Variants in ZFP42 observed in about 807,000 individuals in gnomAD.
ZFP42 encodes the protein ZFP42 zinc finger protein, also known as zinc finger protein 42 homolog.
For synonymous variants in ZFP42, 175 were observed against 144.6 expected (o/e 1.21, Z -1.51); for missense variants, 438 against 377.1 (o/e 1.16, Z -1.34).
At chr4:187,996,122 T>C (rs1733551426) in intron 1 of ZFP42, among the ~76,000 whole-genome samples, 1 of 152,070 alleles carries the variant, frequency 6.6e-6, no homozygotes, top group African/African-American at 2.4e-5. Flanking sequence ...TTGCATTTTT[T>C]ATTTTATTTC....
At chr4:187,996,720 T>A (rs1443244084) in intron 1 of ZFP42, among the ~76,000 whole-genome samples, 1 of 152,098 alleles carries the variant, frequency 6.6e-6, no homozygotes, top group Non-Finnish European at 1.5e-5. Context: ...CTGCATTTCA[T>A]CTCCTCTGCC....
Position 188,002,807 on chromosome 4 carries a change from C to A in ZFP42, c.-1C>A. On this transcript the variant is annotated 5_prime_UTR_variant, in exon 4 of 4. Coordinates refer to ENST00000326866, the MANE Select transcript of ZFP42 (RefSeq NM_174900.5). ...TTCAAGAAGGGCACAGGCAGGAAAACATGAGCCAGCAACTGAAGAAACGGG... is the reference window on the plus strand; with the variant it reads ...TTCAAGAAGGGCACAGGCAGGAAAAAATGAGCCAGCAACTGAAGAAACGGG... 6.2e-7 allele frequency: 1 copy of A among 1,613,312 alleles called. No individual in the cohort carries two copies. The highest frequency in any genetic ancestry group is 8.5e-7 in the Non-Finnish European group (1 of 1,179,632).
At chr4:187,998,637 A>T (rs1363154240) in intron 1 of ZFP42, among the ~76,000 whole-genome samples, 2 of 152,230 alleles carry the variant, frequency 1.3e-5, no homozygotes, top group African/African-American at 2.4e-5. Context: ...TTATATGCAA[A>T]TACTTACTGT....
Position 188,003,073 on chromosome 4 carries a change from A to G in ZFP42, c.266A>G (p.Asp89Gly), listed in dbSNP as rs372693633. The change falls in exon 4 of 4, where the codon GAC (aspartate) becomes GGC (glycine). Residue 89 changes from aspartate (D) to glycine (G), a missense_variant. By Grantham distance (94) the Asp-to-Gly change is moderately conservative. Coordinates refer to ENST00000326866, the MANE Select transcript of ZFP42 (RefSeq NM_174900.5). ...GEFSQPILEE[D>G]SLFESLEYLK... ...TTTTCTCAACCCATCCTGGAAGAGGACTCACTTTTTGAGTCCTTGGAATAC... is the reference window on the plus strand; with the variant it reads ...TTTTCTCAACCCATCCTGGAAGAGGGCTCACTTTTTGAGTCCTTGGAATAC... The G allele has an allele frequency of 5.0e-6, 8 of 1,614,002 alleles. No individual in the cohort carries two copies. The highest frequency in any genetic ancestry group is 6.8e-6 in the Non-Finnish European group (8 of 1,180,024).
intron 3 of ZFP42, among the ~76,000 whole-genome samples, chr4:187,999,922 T>G (rs1384249301): frequency 6.6e-6 from 1 of 152,196 alleles, no homozygotes; most frequent in African/African-American, 2.4e-5. Context: ...TCTGATGCTT[T>G]ACTGGAGAAA....
chr4:188,003,417 G>A lies in ZFP42; in HGVS notation c.610G>A (p.Ala204Thr). 1.2e-6 allele frequency: 2 copies of A among 1,614,148 alleles called. No homozygotes were observed. The highest frequency in any genetic ancestry group is 2.2e-5 in the East Asian group (1 of 44,868). Residue 204 changes from alanine (A) to threonine (T), a missense_variant, in exon 4 of 4, where the codon GCC (alanine) becomes ACC (threonine). Transcript: ENST00000326866. Reference sequence around the variant, plus strand: ...CACTAGGAAGTTGAGGAATAGAGCTGCCCTGAGAAAGCATCTCCTCATTCA... The same window carrying A: ...CACTAGGAAGTTGAGGAATAGAGCTACCCTGAGAAAGCATCTCCTCATTCA... ...GCTRKLRNRA[A>T]LRKHLLIHGP...
intron 2 of ZFP42, 90 bp from the exon 3 acceptor site, chr4:187,999,515 CAAAT>C (rs984795129): frequency 3.3e-5 from 5 of 152,172 alleles, no homozygotes; most frequent in African/African-American, 1.2e-4. Flanking sequence ...TCTAAACTCT[CAAAT>C]AAATTCCTAG....
chr4:188,000,698 C>G (rs1733777228), intron 3 of ZFP42, among the ~76,000 whole-genome samples: 1 of 152,140 alleles, frequency 6.6e-6, no homozygotes, highest in Non-Finnish European at 1.5e-5. Flanking sequence ...TTAAAGGACA[C>G]AGGCCTGGCG....
chr4:188,003,140 C>A lies in ZFP42; in HGVS notation c.333C>A (p.Phe111Leu). The A allele has an allele frequency of 6.2e-7, 1 of 1,613,958 alleles. No homozygotes were observed. The highest frequency in any genetic ancestry group is 8.5e-7 in the Non-Finnish European group (1 of 1,180,000). ...GSEQQLSQKVFEASSLECSLE... is the reference protein window; with the variant it reads ...GSEQQLSQKVLEASSLECSLE... ...AACAACAGCTTTCTCAAAAGGTTTT[C>A]GAAGCAAGCTCCCTTGAATGTTCTT... The change falls in exon 4 of 4, where the codon TTC becomes TTA. Residue 111 changes from phenylalanine (F) to leucine (L), a missense_variant. Transcript: ENST00000326866.
rs1287811892 is a variant in ZFP42, at chr4:188,003,067, A to T, written c.260A>T (p.Glu87Val). 5 of 1,614,176 alleles carry T rather than the reference A, an allele frequency of 3.1e-6. No homozygotes were observed. Among genetic ancestry groups the T allele is most frequent in the Non-Finnish European group, 4.2e-6 (5 of 1,180,028 alleles). The stretch of plus-strand genomic sequence containing the variant: ...GGTGAGTTTTCTCAACCCATCCTGG[A>T]AGAGGACTCACTTTTTGAGTCCTTG... ...IRGEFSQPIL[E>V]EDSLFESLEY... The change falls in exon 4 of 4, where the codon GAA (glutamate) becomes GTA (valine). Residue 87 changes from glutamate to valine, a missense_variant. By Grantham distance (121) the Glu-to-Val change is moderately radical. Coordinates refer to ENST00000326866, the MANE Select transcript of ZFP42 (RefSeq NM_174900.5).
rs1733604000 is a variant in ZFP42 at position 187,996,994 on chromosome 4, TGGAGCATGGAGCGTGGAGCG to T, written c.-339+1155_-339+1174del. 1.5e-4 allele frequency among the ~76,000 whole-genome samples: 5 copies of T among 32,308 alleles called. No individual in the cohort carries two copies. In the Admixed American group the frequency reaches 1.9e-3, roughly 12 times the overall value. 21.2% of individuals were successfully genotyped at this position (32,308 alleles called of 152,430 possible). A position where few individuals can be genotyped will look rare whatever the true frequency, so the allele number is the denominator to read the frequency against. On this transcript the variant is annotated intron_variant, in intron 1 of 3. Transcript: ENST00000326866. Reference sequence around the variant, plus strand: ...CTGCCCGCCATAGCTGTAGGGAGCATGGAGCATGGAGCGTGGAGCGTGGAGCATGGAGCATGGAGCGTGGA... The same window carrying T: ...CTGCCCGCCATAGCTGTAGGGAGCATTGGAGCATGGAGCATGGAGCGTGGA...
chr4:188,001,146 A>G (rs1017340869), intron 3 of ZFP42, among the ~76,000 whole-genome samples: 2 of 152,052 alleles, frequency 1.3e-5, no homozygotes, highest in Non-Finnish European at 2.9e-5. Flanking sequence ...TTTTTTACCA[A>G]AAGTAAATGA....
At chr4:187,996,085 G>A (rs1209536137) in intron 1 of ZFP42, among the ~76,000 whole-genome samples, 1 of 152,184 alleles carries the variant, frequency 6.6e-6, no homozygotes, top group Non-Finnish European at 1.5e-5. Context: ...TCTCAAGAAA[G>A]CAAGTGTCTG....
chr4:187,998,519 C>T (rs937237260), intron 1 of ZFP42, among the ~76,000 whole-genome samples: 1 of 152,214 alleles, frequency 6.6e-6, no homozygotes. Context: ...CTCACTCACT[C>T]ACTCATCCAG....
Position 188,003,485 on chromosome 4 carries a change from C to T in ZFP42, c.678C>T (p.Phe226=), listed in dbSNP as rs754892437. The T allele has an allele frequency of 6.2e-7, 1 of 1,613,824 alleles. No homozygotes were observed. The highest frequency in any genetic ancestry group is 8.5e-7 in the Non-Finnish European group (1 of 1,180,022). Residue 226 remains phenylalanine, a synonymous_variant, in exon 4 of 4, where the codon TTC becomes TTT. Coordinates refer to ENST00000326866, the MANE Select transcript of ZFP42 (RefSeq NM_174900.5). ...TCTGTGCGGAATGTGGGAAAGCGTT[C>T]GTTGAGAGCTCAAAACTAAAGAGAC... ...DHVCAECGKA[F]VESSKLKRHF...
At chr4:188,000,959 G>A (rs982669567) in intron 3 of ZFP42, among the ~76,000 whole-genome samples, 6 of 152,060 alleles carry the variant, frequency 3.9e-5, no homozygotes, top group African/African-American at 1.4e-4. Context: ...TTGCGCCATT[G>A]TACTCCAGCC....
intron 3 of ZFP42, among the ~76,000 whole-genome samples, chr4:188,001,798 T>G (rs554359617): frequency 8.5e-5 from 13 of 152,348 alleles, no homozygotes; most frequent in East Asian, 1.9e-4. Context: ...CGAGCTCACA[T>G]AGCGGCCAGC....
Position 188,003,741 on chromosome 4 carries a change from T to A in ZFP42, c.*1T>A. The A allele has an allele frequency of 6.2e-7, 1 of 1,604,600 alleles. No individual in the cohort carries two copies. The highest frequency in any genetic ancestry group is 8.5e-7 in the Non-Finnish European group (1 of 1,172,970). The stretch of plus-strand genomic sequence containing the variant: ...CAAGAATGAACAAGAGGGAAAGTAG[T>A]CCTCCAACAGGATGAAGCAGATTAA... On this transcript the variant is annotated 3_prime_UTR_variant, in exon 4 of 4. Coordinates refer to ENST00000326866, the MANE Select transcript of ZFP42 (RefSeq NM_174900.5).
intron 1 of ZFP42, among the ~76,000 whole-genome samples, chr4:187,997,006 C>CAT (rs1733606731): frequency 2.5e-4 from 17 of 68,522 alleles, no homozygotes; most frequent in South Asian, 2.0e-3. Flanking sequence ...GAGCATGGAG[C>CAT]GTGGAGCGTG....
Sources: gnomAD v4.1 joint callset for allele counts (sites outside exome capture counted in the v4.1 genomes callset) on GRCh38, gnomAD v4.1.1 for gene constraint, MANE v1.5 for transcripts, NCBI Gene and HGNC (gene_info 2026-07-23, HGNC 2026-07-21) for gene names.